The following CCDC80 variants were observed in gnomAD, a reference collection of about 807,000 sequenced individuals.
The protein encoded by CCDC80 is coiled-coil domain-containing protein 80.
Under a neutral mutation model 78.7 loss-of-function variants are expected in CCDC80, and 49 were observed. The ratio of observed to expected loss-of-function variants is 0.62; its 90% CI spans 0.50 to 0.79. The LOEUF is 0.79. CCDC80 is among the 30% of genes least tolerant of loss of function. The pLI is 0.00. For missense variants in CCDC80, 1,205 were observed against 1,198.6 expected, an observed-to-expected ratio of 1.01 and a Z score of -0.08; for synonymous variants, 488 against 447.0, an observed-to-expected ratio of 1.09 and a Z score of -1.16.
In CCDC80 at chr3:112,639,369, C is replaced by G. The variant is rs1412182665; in HGVS notation, c.537G>C (p.Leu179=). 10 of 1,614,060 alleles carry G rather than the reference C, an allele frequency of 6.2e-6. No individual in the cohort carries two copies. The highest frequency in any genetic ancestry group is 8.5e-6 in the Non-Finnish European group (10 of 1,180,048). The part of the protein sequence containing the change: ...SLLKDDVYCE[L]AERHIQQIVL... Reference sequence around the variant, plus strand: ...CAATCTGTTGGATGTGCCTCTCCGCCAGCTCACAGTACACATCGTCCTTCA... The same window carrying G: ...CAATCTGTTGGATGTGCCTCTCCGCGAGCTCACAGTACACATCGTCCTTCA... The change falls in exon 2 of 8, where the codon CTG becomes CTC. Residue 179 remains leucine (L), a synonymous_variant. Transcript: ENST00000206423.
At chr3:112,615,010 T>C (rs938987296) in intron 5 of CCDC80, among the ~76,000 whole-genome samples, 2 of 152,220 alleles carry the variant, frequency 1.3e-5, no homozygotes, top group African/African-American at 4.8e-5. Flanking sequence ...CAAAAAGTGT[T>C]CACAGGTATA....
chr3:112,623,075 A>T (rs1351231707), intron 3 of CCDC80, among the ~76,000 whole-genome samples: 4 of 152,132 alleles, frequency 2.6e-5, no homozygotes, highest in Non-Finnish European at 5.9e-5. Context: ...TGGGATTTGG[A>T]CCTAAGATTA....
rs1186400717 is a variant in CCDC80 at position 112,604,740 on chromosome 3, G to A, written c.*677C>T. 6.6e-6 allele frequency: 1 copy of A among 152,240 alleles called. No homozygotes were observed. The highest frequency in any genetic ancestry group is 1.5e-5 in the Non-Finnish European group (1 of 68,060). 9.4% of individuals were successfully genotyped at this position (152,240 alleles called of 1,614,324 possible). A position where few individuals can be genotyped will look rare whatever the true frequency, so the allele number is the denominator to read the frequency against. On this transcript the variant is annotated 3_prime_UTR_variant, in exon 8 of 8. Transcript: ENST00000206423. ...TCTGGAAGTATCGCCTTTGGCTGCA[G>A]TGCCAGATTCTGGTGAGGATTTCCT...
Position 112,638,055 on chromosome 3 carries a change from C to G in CCDC80, c.1851G>C (p.Gly617=). 6.2e-7 allele frequency: 1 copy of G among 1,608,194 alleles called. No individual in the cohort carries two copies. The highest frequency in any genetic ancestry group is 8.5e-7 in the Non-Finnish European group (1 of 1,178,436). Residue 617 remains glycine, a synonymous_variant, in exon 2 of 8, where the codon GGG becomes GGC. Transcript: ENST00000206423. ...SPKKSVADLL[G]SFEGKRRLLL... The stretch of plus-strand genomic sequence containing the variant: ...GGAGTCTTCGTTTGCCTTCAAAGGA[C>G]CCCAGCAGGTCGGCCACTGACTTCT...
In CCDC80 at chr3:112,605,178, T is replaced by C. The variant is rs78231165; in HGVS notation, c.*239A>G. ...GGAAAATAATATCAATTTTCAGTAC[T>C]ATTATTTAGCACTAGAGCCCCTCCA... is the stretch of plus-strand genomic sequence containing the variant. On this transcript the variant is annotated 3_prime_UTR_variant, in exon 8 of 8. Coordinates refer to ENST00000206423, the MANE Select transcript of CCDC80 (RefSeq NM_199511.3). 3,015 of 380,858 alleles carry C rather than the reference T, an allele frequency of 7.9e-3. 85 individuals are homozygous for C. Among genetic ancestry groups the C allele is most frequent in the African/African-American group, 0.056 (2,704 of 48,254 alleles). 23.6% of individuals were successfully genotyped at this position (380,858 alleles called of 1,614,324 possible). A position where few individuals can be genotyped will look rare whatever the true frequency, so the allele number is the denominator to read the frequency against.
At chr3:112,610,915 CT>C (rs11379147) in intron 5 of CCDC80, among the ~76,000 whole-genome samples, 2,191 of 123,222 alleles carry the variant, frequency 0.018, 18 homozygotes, top group African/African-American at 0.06. Context: ...TTCTTTCTTT[CT>C]TTTTTTTTTT....
At chr3:112,609,385 G>A (rs1258784137) in intron 6 of CCDC80, among the ~76,000 whole-genome samples, 1 of 151,990 alleles carries the variant, frequency 6.6e-6, no homozygotes, top group Non-Finnish European at 1.5e-5. Context: ...TTTTTCTTTG[G>A]CCTGCTTGTC....
intron 3 of CCDC80, among the ~76,000 whole-genome samples, chr3:112,622,699 A>G (rs1348204030): frequency 2.0e-5 from 3 of 152,140 alleles, no homozygotes; most frequent in South Asian, 4.1e-4. Flanking sequence ...TCTGTCACCC[A>G]GGCAGGAGTG....
chr3:112,640,277 A>C (rs1936315836), intron 1 of CCDC80, 50 bp downstream of exon 1: 1 of 216,516 alleles, frequency 4.6e-6, no homozygotes, highest in South Asian at 8.5e-5. Context: ...CAAAATAAGC[A>C]ATAAAGAAAC....
In CCDC80 at chr3:112,603,524, A is replaced by ATATATATATATAATATATATTATATATTT. The variant is rs1576776141; in HGVS notation, c.*1864_*1892dup. 9.0e-5 allele frequency: 13 copies of ATATATATATATAATATATATTATATATTT among 145,200 alleles called. No individual in the cohort carries two copies. The highest frequency in any genetic ancestry group is 8.5e-4 in the Admixed American group (12 of 14,144). 9.0% of individuals were successfully genotyped at this position (145,200 alleles called of 1,614,324 possible). ...AGCGAGACTCCATCTCGAAAAAAATATATATATATATAATATATATTATAT... is the reference window on the plus strand; with the variant it reads ...AGCGAGACTCCATCTCGAAAAAAATATATATATATATAATATATATTATATATTTTATATATATATAATATATATTATAT... On this transcript the variant is annotated 3_prime_UTR_variant, in exon 8 of 8. Coordinates refer to ENST00000206423, the MANE Select transcript of CCDC80 (RefSeq NM_199511.3).
chr3:112,624,683 A>T (rs1216312095), intron 3 of CCDC80, among the ~76,000 whole-genome samples: 1 of 152,214 alleles, frequency 6.6e-6, no homozygotes, highest in Non-Finnish European at 1.5e-5. Context: ...TCTTATTAAT[A>T]AAGAGTGTGT....
At chr3:112,616,997 A>G (rs1935765976) in intron 4 of CCDC80, 139 bp from the exon 5 acceptor site, 1 of 819,322 alleles carries the variant, frequency 1.2e-6, no homozygotes, top group African/African-American at 1.7e-5. Context: ...ATTGCTTCAT[A>G]AATGCTCTCC....
chr3:112,634,391 C>A (rs981181), intron 2 of CCDC80, among the ~76,000 whole-genome samples: 110,290 of 151,978 alleles, frequency 0.73, 41,706 homozygotes, highest in Non-Finnish European at 0.84. Context: ...TGACAAGTGA[C>A]TAGATCTCAG....
At chr3:112,607,278 T>C (rs761468067) in intron 6 of CCDC80, 22 bp from the exon 7 acceptor site, 18 of 1,587,988 alleles carry the variant, frequency 1.1e-5, no homozygotes, top group East Asian at 6.7e-5. Flanking sequence ...AAGAAAACCA[T>C]AGGATTAGAG....
At chr3:112,621,553 G>T (rs1935868830) in intron 3 of CCDC80, among the ~76,000 whole-genome samples, 1 of 152,190 alleles carries the variant, frequency 6.6e-6, no homozygotes. Context: ...ACTAAGGTTT[G>T]TGGTCTTTGT....
intron 4 of CCDC80, 145 bp downstream of exon 4, chr3:112,618,823 C>A: frequency 1.3e-6 from 1 of 768,696 alleles, no homozygotes; most frequent in Non-Finnish European, 2.0e-6. Flanking sequence ...CGTAGGACAA[C>A]ATGGAAAATT....
intron 7 of CCDC80, among the ~76,000 whole-genome samples, 187 bp downstream of exon 7, chr3:112,606,989 T>G (rs1160637877): frequency 6.6e-6 from 1 of 152,198 alleles, no homozygotes; most frequent in Non-Finnish European, 1.5e-5. Context: ...TTAGTCCCTG[T>G]ACTCCACACC....
chr3:112,638,689 C>T lies in CCDC80; in HGVS notation c.1217G>A (p.Arg406Lys). 6.2e-7 allele frequency: 1 copy of T among 1,613,970 alleles called. No homozygotes were observed. Among genetic ancestry groups the T allele is most frequent in the Non-Finnish European group, 8.5e-7 (1 of 1,179,976 alleles). ...AAGATTCTCTGAAACTGAGGGTCTCCTGGCAGTGATCACCTCAGTGGTTGT... is the reference window on the plus strand; with the variant it reads ...AAGATTCTCTGAAACTGAGGGTCTCTTGGCAGTGATCACCTCAGTGGTTGT... ...PPTTTEVITA[R>K]RPSVSENLYP... The change falls in exon 2 of 8, where the codon AGG becomes AAG. Residue 406 changes from arginine (R) to lysine (K), a missense_variant. Physicochemically the swap from Arg to Lys is conservative, Grantham distance 26. Transcript: ENST00000206423.
intron 2 of CCDC80, among the ~76,000 whole-genome samples, chr3:112,635,901 G>A (rs1936198279): frequency 6.6e-6 from 1 of 152,196 alleles, no homozygotes; most frequent in Admixed American, 6.5e-5. Context: ...TCCCACTAAG[G>A]GAGTGGGGAG....
Sources: gnomAD v4.1 joint callset for allele counts (sites outside exome capture counted in the v4.1 genomes callset) on GRCh38, gnomAD v4.1.1 for gene constraint, MANE v1.5 for transcripts, NCBI Gene and HGNC (gene_info 2026-07-23, HGNC 2026-07-21) for gene names.